Variants in OR51B5 observed in about 807,000 individuals in gnomAD.
The protein encoded by OR51B5 is olfactory receptor 51B5.
For missense variants in OR51B5, 456 were observed against 374.6 expected (o/e 1.22, Z -1.79); for synonymous variants, 186 against 144.8 (o/e 1.28, Z -2.04).
intron 1 of OR51B5, among the ~76,000 whole-genome samples, chr11:5,494,899 G>T (rs1465581979): frequency 6.6e-6 from 1 of 152,124 alleles, no homozygotes; most frequent in African/African-American, 2.4e-5. Context: ...GGTCTGTCAG[G>T]GCTGACCAAA....
exon 1 of OR51B5, chr11:5,343,292 G>T (rs57273781): frequency 0.057 from 92,405 of 1,608,610 alleles, 5,064 homozygotes; most frequent in African/African-American, 0.29. Flanking sequence ...TCCCAGCACC[G>T]TGGGCATTGT....
intron 1 of OR51B5, among the ~76,000 whole-genome samples, chr11:5,370,416 A>AAATT (rs1184029239): frequency 6.6e-6 from 1 of 152,192 alleles, no homozygotes; most frequent in African/African-American, 2.4e-5. Context: ...TTTACAGGGA[A>AAATT]AATTAAATTC....
intron 1 of OR51B5, among the ~76,000 whole-genome samples, chr11:5,364,953 G>A (rs1849343220): frequency 7.1e-6 from 1 of 140,178 alleles, no homozygotes; most frequent in Admixed American, 7.0e-5. Flanking sequence ...GAAGCAGAGA[G>A]AGAGGGAAAA....
intron 1 of OR51B5, among the ~76,000 whole-genome samples, chr11:5,486,734 G>T (rs1351384416): frequency 6.6e-6 from 1 of 152,164 alleles, no homozygotes; most frequent in Non-Finnish European, 1.5e-5. Flanking sequence ...CTCTAGCACA[G>T]CCCTGCACTG....
chr11:5,446,306 A>C (rs1046284788), intron 1 of OR51B5, among the ~76,000 whole-genome samples: 2 of 43,360 alleles, frequency 4.6e-5, no homozygotes, highest in Non-Finnish European at 1.7e-4. Context: ...AGGTAACCCA[A>C]AAAAAAAAGA....
At position 5,389,647 on chromosome 11, in the gene OR51B5, G is replaced by A. The variant is rs149011876; in HGVS notation, n.85-42737C>T. 806 of 1,613,526 alleles carry A rather than the reference G, an allele frequency of 5.0e-4. 2 individuals are homozygous for A. In the African/African-American group the frequency reaches 8.9e-3, roughly 18 times the overall value. Reference sequence around the variant, plus strand: ...TATCCTTGCTGGCCCTCACTGACCTGGGGCTGTGTGTGTCCACGTTGCCCA... The same window carrying A: ...TATCCTTGCTGGCCCTCACTGACCTAGGGCTGTGTGTGTCCACGTTGCCCA... On this transcript the variant is annotated intron_variant and non_coding_transcript_variant, in intron 1 of 4. Transcript: ENST00000415970.
chr11:5,415,542 G>GA (rs1278149921), intron 1 of OR51B5, among the ~76,000 whole-genome samples: 2 of 151,658 alleles, frequency 1.3e-5, no homozygotes, highest in East Asian at 1.9e-4. Flanking sequence ...GACTAATAAA[G>GA]AAAAAAAGAG....
chr11:5,357,001 G>A lies in OR51B5; in HGVS notation n.85-10091C>T, dbSNP rs572319552. Among the ~76,000 whole-genome samples the A allele has an allele frequency of 1.9e-3, 286 of 152,022 alleles. 1 individual carries two copies. Among genetic ancestry groups the A allele is most frequent in the African/African-American group, 5.8e-3 (240 of 41,432 alleles). On this transcript the variant is annotated intron_variant and non_coding_transcript_variant, in intron 1 of 4. Transcript: ENST00000415970. The stretch of plus-strand genomic sequence containing the variant: ...GCACTAAATATGGAAAGGCACAACC[G>A]GTACCAGCCACTGCAAAAACATGCC...
chr11:5,461,647 T>A (rs7935943), intron 1 of OR51B5, among the ~76,000 whole-genome samples: 39,897 of 152,156 alleles, frequency 0.26, 6,586 homozygotes, highest in Non-Finnish European at 0.36. Context: ...TTGCACAGAC[T>A]GGAGTTCTGT....
At chr11:5,381,159 TTCTCTC>T (rs71050492) in intron 1 of OR51B5, among the ~76,000 whole-genome samples, 1 of 110,138 alleles carries the variant, frequency 9.1e-6, no homozygotes, top group South Asian at 4.1e-4. Flanking sequence ...CGCTCGCTGT[TTCTCTC>T]TCTCTCTCTC....
At chr11:5,411,591 C>T (rs115313754) in intron 1 of OR51B5, among the ~76,000 whole-genome samples, 11 of 152,268 alleles carry the variant, frequency 7.2e-5, no homozygotes, top group Non-Finnish European at 1.3e-4. Context: ...AATGTCTCCA[C>T]CCCTGTAAGA....
At chr11:5,472,414 G>A (rs372937638) in intron 1 of OR51B5, among the ~76,000 whole-genome samples, 1 of 152,128 alleles carries the variant, frequency 6.6e-6, no homozygotes, top group African/African-American at 2.4e-5. Context: ...TGGGAGGAGA[G>A]AGGCTGGTGA....
chr11:5,345,306 T>G (rs1186593137), upstream of OR51B5, among the ~76,000 whole-genome samples: 1 of 152,114 alleles, frequency 6.6e-6, no homozygotes, highest in East Asian at 1.9e-4. Flanking sequence ...TAGAAAGCTA[T>G]TTTAAAAATC....
Position 5,429,238 on chromosome 11 carries a change from G to T in OR51B5, n.84+76331C>A, listed in dbSNP as rs143662921. On this transcript the variant is annotated intron_variant and non_coding_transcript_variant, in intron 1 of 4. Coordinates refer to the OR51B5 transcript ENST00000415970. ...AAACCCCAGCCTTTGAGAGTTTGGG[G>T]AGACTGGTTTGAGTAATAACTCCAT... Among the ~76,000 whole-genome samples, 85 of 152,264 alleles carry T rather than the reference G, an allele frequency of 5.6e-4. 1 individual carries two copies. The East Asian group carries it at 0.015, about 27-fold the overall frequency.
rs867284618 is a variant in OR51B5, at chr11:5,363,465, T to A, written n.85-16555A>T. Among the ~76,000 whole-genome samples, 170 of 142,404 alleles carry A rather than the reference T, an allele frequency of 1.2e-3. 1 individual carries two copies. The highest frequency in any genetic ancestry group is 4.3e-3 in the African/African-American group (160 of 37,100). The allele number at this position is 142,404 out of a possible 152,430, so 93.4% of individuals were successfully genotyped here. ...GACACACATACACACACACTCTCTC[T>A]CTCACACAAAAGCGCCACACACACA... is the stretch of plus-strand genomic sequence containing the variant. On this transcript the variant is annotated intron_variant and non_coding_transcript_variant, in intron 1 of 4. Transcript: ENST00000415970.
intron 1 of OR51B5, chr11:5,351,448 A>G (rs1372032024): frequency 1.5e-6 from 2 of 1,375,820 alleles, no homozygotes; most frequent in Non-Finnish European, 2.0e-6. Flanking sequence ...AGCAACTTTT[A>G]TACAACTGAT....
intron 1 of OR51B5, among the ~76,000 whole-genome samples, chr11:5,447,828 C>T (rs1030861726): frequency 2.0e-5 from 3 of 152,086 alleles, no homozygotes; most frequent in Admixed American, 1.3e-4. Context: ...TGAAGCTTTC[C>T]AACACTTCTA....
chr11:5,357,839 A>C (rs1849218872), intron 1 of OR51B5, among the ~76,000 whole-genome samples: 1 of 151,462 alleles, frequency 6.6e-6, no homozygotes, highest in Non-Finnish European at 1.5e-5. Context: ...TAAGAAACTC[A>C]CTCAAAACCG....
chr11:5,385,282 A>G (rs775076774), intron 1 of OR51B5: 9 of 152,150 alleles, frequency 5.9e-5, no homozygotes, highest in Non-Finnish European at 1.3e-4. Flanking sequence ...AAATCCCCTA[A>G]AGCTTTCTTC....
Sources: allele counts gnomAD v4.1 joint callset (sites outside exome capture counted in the v4.1 genomes callset), GRCh38; gene constraint gnomAD v4.1.1; transcripts MANE v1.5; gene names NCBI Gene and HGNC (gene_info 2026-07-23, HGNC 2026-07-21).